Variants in WDPCP observed in about 807,000 individuals in gnomAD.
WDPCP encodes WD repeat-containing and planar cell polarity effector protein fritz homolog.
WDPCP carries 71 observed loss-of-function variants against 93.1 expected under a neutral mutation model. The observed-to-expected ratio is 0.76, with a 90% CI of 0.63 to 0.93. The LOEUF is 0.93. Ranked by LOEUF, WDPCP falls within the 40% of genes least tolerant of loss-of-function variation. The pLI, the probability that WDPCP is intolerant of heterozygous loss-of-function variation, is 0.00. For synonymous variants in WDPCP, 315 were observed against 315.0 expected (o/e 1.00, Z 0.00); for missense variants, 844 against 887.4 (o/e 0.95, Z 0.62).
intron 2 of WDPCP, chr2:63,751,789 A>G (rs1471573215): frequency 9.4e-6 from 6 of 639,612 alleles, no homozygotes; most frequent in Non-Finnish European, 2.9e-6. Context: ...CCAACACCAC[A>G]GTGCTTCTGC....
chr2:63,271,390 T>A (rs1220802483), intron 13 of WDPCP, among the ~76,000 whole-genome samples: 1 of 152,194 alleles, frequency 6.6e-6, no homozygotes, highest in Non-Finnish European at 1.5e-5. Flanking sequence ...GATCTGCTTG[T>A]CTGCCACAGC....
At chr2:63,471,269 G>A (rs1699673442) in intron 6 of WDPCP, among the ~76,000 whole-genome samples, 1 of 152,166 alleles carries the variant, frequency 6.6e-6, no homozygotes, top group Non-Finnish European at 1.5e-5. Flanking sequence ...GTGAATGAAT[G>A]GTCACAAGCT....
At chr2:63,228,629 G>C (rs1388046477) in intron 14 of WDPCP, 2 of 150,236 alleles carry the variant, frequency 1.3e-5, no homozygotes, top group African/African-American at 4.9e-5. Flanking sequence ...TCCCCTTCTT[G>C]TGTCCATGTG....
chr2:63,832,552 G>T (rs1223969639), upstream of WDPCP, among the ~76,000 whole-genome samples: 1 of 152,146 alleles, frequency 6.6e-6, no homozygotes, highest in Non-Finnish European at 1.5e-5. Flanking sequence ...TGCAGGACTT[G>T]CTTAGAAGTG....
At chr2:63,319,828 A>G (rs1267975245) in intron 12 of WDPCP, among the ~76,000 whole-genome samples, 1 of 152,214 alleles carries the variant, frequency 6.6e-6, no homozygotes, top group African/African-American at 2.4e-5. Context: ...CACAAATGGG[A>G]TATCTACAAA....
intron 12 of WDPCP, among the ~76,000 whole-genome samples, chr2:63,338,570 ATATATATATATAT>A (rs1558490393): frequency 3.8e-4 from 2 of 5,318 alleles, no homozygotes; most frequent in African/African-American, 2.0e-3. Flanking sequence ...AAAAAAAAAA[ATATATATATATAT>A]ATATATATAT....
chr2:63,367,158 G>C (rs1239588641), intron 12 of WDPCP, among the ~76,000 whole-genome samples: 1 of 151,464 alleles, frequency 6.6e-6, no homozygotes, highest in East Asian at 1.9e-4. Context: ...TGTTCTTTCT[G>C]TTTAATTTTA....
At chr2:63,383,121 G>C (rs1692452043) in intron 10 of WDPCP, among the ~76,000 whole-genome samples, 2 of 152,092 alleles carry the variant, frequency 1.3e-5, no homozygotes, top group South Asian at 4.1e-4. Flanking sequence ...TCATTGAAAG[G>C]TGATAAAGAG....
chr2:63,323,187 A>G (rs545811318), intron 12 of WDPCP, among the ~76,000 whole-genome samples: 4 of 152,294 alleles, frequency 2.6e-5, no homozygotes, highest in East Asian at 3.9e-4. Context: ...CATCTATTCT[A>G]TCTACCCTGA....
chr2:63,478,122 T>G (rs1257106079), intron 6 of WDPCP, among the ~76,000 whole-genome samples: 1 of 152,016 alleles, frequency 6.6e-6, no homozygotes, highest in Non-Finnish European at 1.5e-5. Flanking sequence ...AAATGACTTG[T>G]CCAACAGGAA....
chr2:63,646,212 A>G lies in WDPCP; in HGVS notation n.488+4447T>C, dbSNP rs1478565449. ...GGTTACCATGAAGTTTGCAAATACT[A>G]TCTTATAATTTATTATTTTAAGCTG... On this transcript the variant is annotated intron_variant and non_coding_transcript_variant, in intron 3 of 4. Coordinates refer to the WDPCP transcript ENST00000467687. Among the ~76,000 whole-genome samples the G allele has an allele frequency of 2.6e-5, 4 of 152,208 alleles. No individual in the cohort carries two copies. In the South Asian group the frequency reaches 8.3e-4, roughly 32 times the overall value.
At chr2:63,318,804 ATCGAAT>A (rs1261081252) in intron 12 of WDPCP, among the ~76,000 whole-genome samples, 2 of 152,146 alleles carry the variant, frequency 1.3e-5, no homozygotes, top group Non-Finnish European at 2.9e-5. Flanking sequence ...AAAAGTACCT[ATCGAAT>A]ACTATGCTCA....
intron 10 of WDPCP, among the ~76,000 whole-genome samples, chr2:63,387,442 T>TA (rs754154723): frequency 2.6e-4 from 39 of 151,236 alleles, no homozygotes; most frequent in Non-Finnish European, 2.1e-4. Flanking sequence ...CGCTTCATGT[T>TA]AAAAAAAAGA....
In WDPCP at chr2:63,786,991, G is replaced by A. The variant is rs563710869; in HGVS notation, n.308+26631C>T. ...AACGAATGACTGAGACAATATGAAT[G>A]AGGAAAGGGTACTATTTCTAGAAGG... is the stretch of plus-strand genomic sequence containing the variant. On this transcript the variant is annotated intron_variant and non_coding_transcript_variant, in intron 2 of 4. Coordinates refer to the WDPCP transcript ENST00000467687. 1.0e-3 allele frequency among the ~76,000 whole-genome samples: 156 copies of A among 152,292 alleles called. 1 individual carries two copies. The highest frequency in any genetic ancestry group is 3.7e-3 in the African/African-American group (153 of 41,580).
At chr2:63,597,573 A>C (rs772447969) in intron 3 of WDPCP, 1 of 1,402,136 alleles carries the variant, frequency 7.1e-7, no homozygotes, top group Admixed American at 2.7e-5. Context: ...AAGTCAGTTA[A>C]GGTGACCAAT....
At chr2:63,702,704 AT>A (rs543105188) in intron 2 of WDPCP, among the ~76,000 whole-genome samples, 26,770 of 139,250 alleles carry the variant, frequency 0.19, 2,577 homozygotes, top group Middle Eastern at 0.28. Flanking sequence ...CATCCAGCTA[AT>A]TTTTTTTTTT....
rs372211457 is a variant in WDPCP, at chr2:63,419,137, C to CTTTTGT, written c.826-14486_826-14481dup. ...GGTAGTAGTTTATCCTTCAGTGTAT[C>CTTTTGT]TTTTGTTTTTGTTTTTGTTTTTTGA... is the stretch of plus-strand genomic sequence containing the variant. On this transcript the variant is annotated intron_variant, in intron 9 of 17. Transcript: ENST00000272321. 3.8e-3 allele frequency among the ~76,000 whole-genome samples: 576 copies of CTTTTGT among 152,058 alleles called. 3 individuals carry two copies. Among genetic ancestry groups the CTTTTGT allele is most frequent in the African/African-American group, 0.013 (537 of 41,486 alleles).
At chr2:63,588,926 G>C (rs566803407), upstream of WDPCP, 1 of 1,413,732 alleles carries the variant, frequency 7.1e-7, no homozygotes. Context: ...CGCGTCGGGA[G>C]CGGAGCCTTT....
intron 14 of WDPCP, among the ~76,000 whole-genome samples, chr2:63,189,677 C>T (rs1212696075): frequency 3.9e-5 from 6 of 152,144 alleles, no homozygotes; most frequent in Admixed American, 1.3e-4. Flanking sequence ...TTTCCCAATC[C>T]TTACTGTTAT....
Sources: allele counts gnomAD v4.1 joint callset (sites outside exome capture counted in the v4.1 genomes callset), GRCh38; gene constraint gnomAD v4.1.1; transcripts MANE v1.5; gene names NCBI Gene and HGNC (gene_info 2026-07-23, HGNC 2026-07-21).